The following PRX variants were observed in gnomAD, a reference collection of about 807,000 sequenced individuals.
PRX encodes periaxin.
In PRX, 24 loss-of-function variants were observed where a neutral mutation model predicts 29.6. The ratio of observed to expected loss-of-function variants is 0.81; its 90% confidence interval spans 0.59 to 1.14. The LOEUF (loss-of-function observed/expected upper bound fraction) is 1.14. Among genes scored for constraint, PRX ranks in the 50% most tolerant of loss-of-function variants. The pLI is 0.00. For synonymous variants in PRX, 772 were observed against 831.7 expected, an observed-to-expected ratio of 0.93 and a Z score of 1.24; for missense variants, 1,838 against 1,926.4, an observed-to-expected ratio of 0.95 and a Z score of 0.86.
intron 1 of PRX, among the ~76,000 whole-genome samples, chr19:40,409,485 T>C (rs954144120): frequency 8.7e-5 from 13 of 149,742 alleles, no homozygotes; most frequent in Non-Finnish European, 1.9e-4. Context: ...TTATTATTAT[T>C]ATTTTGAGAC....
intron 4 of PRX, among the ~76,000 whole-genome samples, chr19:40,405,107 G>C (rs2079522765): frequency 6.6e-6 from 1 of 152,152 alleles, no homozygotes; most frequent in Non-Finnish European, 1.5e-5. Flanking sequence ...GCCCACAGGA[G>C]AGGGAATCCA....
At chr19:40,403,925 A>G (rs1012691838) in intron 4 of PRX, 63 bp from the exon 5 acceptor site, 2 of 1,565,670 alleles carry the variant, frequency 1.3e-6, no homozygotes, top group Non-Finnish European at 1.7e-6. Flanking sequence ...AGAGCCCGCC[A>G]TTGCGCTCAA....
intron 1 of PRX, among the ~76,000 whole-genome samples, chr19:40,412,410 C>A (rs2079562568): frequency 6.6e-6 from 1 of 152,134 alleles, no homozygotes; most frequent in Non-Finnish European, 1.5e-5. Context: ...ATAAGAAAGG[C>A]TTTGAAGATT....
chr19:40,412,835 C>G (rs1483124931), intron 1 of PRX, among the ~76,000 whole-genome samples: 1 of 152,186 alleles, frequency 6.6e-6, no homozygotes, highest in Non-Finnish European at 1.5e-5. Flanking sequence ...CCCATCTCAG[C>G]CTCCAGAGTA....
At position 40,394,158 on chromosome 19, in the gene PRX, G is replaced by A. The variant is rs1238279845; in HGVS notation, c.4194C>T (p.Ala1398=). 1.3e-6 allele frequency: 2 copies of A among 1,590,920 alleles called. No individual in the cohort carries two copies. The highest frequency in any genetic ancestry group is 1.3e-5 in the African/African-American group (1 of 74,300). The change falls in exon 7 of 7, where the codon GCC becomes GCT. Residue 1398 remains alanine (A), a synonymous_variant. Coordinates refer to ENST00000324001, the MANE Select transcript of PRX (RefSeq NM_181882.3). This position sits in a 1 kb window ranked among gnomAD's most constrained non-coding sequence, Gnocchi z 5.8. ...KASRGQEGDA[A]PKSPVREKSP... is the part of the protein sequence containing the mutation. The stretch of plus-strand genomic sequence containing the variant: ...ACTTCTCTCTGACGGGGGACTTGGG[G>A]GCTGCATCGCCCTCCTGCCCCCGAG...
intron 5 of PRX, among the ~76,000 whole-genome samples, chr19:40,403,107 T>C (rs1043085123): frequency 2.6e-5 from 4 of 151,960 alleles, no homozygotes; most frequent in African/African-American, 7.3e-5. Flanking sequence ...GAGGCGGAGG[T>C]GGCAGTGAGC....
At chr19:40,414,132 CT>C (rs1403047536), upstream of PRX, among the ~76,000 whole-genome samples, 2 of 151,850 alleles carry the variant, frequency 1.3e-5, no homozygotes, top group African/African-American at 2.4e-5. Flanking sequence ...GCTCCCCACC[CT>C]TTTTTTTGAG....
chr19:40,398,077 A>C lies in PRX; in HGVS notation c.382-107T>G. On this transcript the variant is annotated intron_variant, in intron 6 of 6. Transcript: ENST00000324001. The surrounding 1 kb of genome is among the most constrained non-coding windows in gnomAD (Gnocchi z 6.3). ...ACCAGGCGGGGGATGTGCTGGGTCA[A>C]GTATCTTGTTCCCCAAACATCATCC... The C allele has an allele frequency of 1.4e-6, 2 of 1,463,942 alleles. No individual in the cohort carries two copies. The highest frequency in any genetic ancestry group is 1.8e-6 in the Non-Finnish European group (2 of 1,107,578). The allele number at this position is 1,463,942 out of a possible 1,614,324, so 90.7% of individuals were successfully genotyped here. A position where few individuals can be genotyped will look rare whatever the true frequency, so the allele number is the denominator to read the frequency against.
At position 40,394,001 on chromosome 19, in the gene PRX, C is replaced by A; in HGVS notation, c.4351G>T (p.Ala1451Ser). The A allele has an allele frequency of 1.2e-6, 2 of 1,613,510 alleles. No homozygotes were observed. The highest frequency in any genetic ancestry group is 1.7e-6 in the Non-Finnish European group (2 of 1,179,878). The change falls in exon 7 of 7, where the codon GCC (alanine) becomes TCC (serine). Residue 1451 changes from alanine (A) to serine (S), a missense_variant. Physicochemically the swap from Ala to Ser is moderately conservative, Grantham distance 99. This residue lies in a region of PRX where 1,143 missense variants were observed against 1,193.0 expected (regional missense o/e 0.96). Coordinates refer to ENST00000324001, the MANE Select transcript of PRX (RefSeq NM_181882.3). This position sits in a 1 kb window ranked among gnomAD's most constrained non-coding sequence, Gnocchi z 5.8. ...GCAGCCTGAGCCCCCTCCATCCTGG[C>A]CGGGCCTGGAGCCCCTGTCTCTGAA... ...GFSETGAPGPARMEGAQAAAV is the reference protein window; with the variant it reads ...GFSETGAPGPSRMEGAQAAAV
In PRX at chr19:40,396,207, A is replaced by T. The variant is rs104894707; in HGVS notation, c.2145T>A (p.Cys715Ter). ...HLPEVQLPKV[C>*]EMKVPDMKLP... The stretch of plus-strand genomic sequence containing the variant: ...GCTTCATGTCAGGGACTTTCATTTC[A>T]CAGACTTTGGGCAGCTGCACCTCTG... Residue 715 changes from cysteine to a stop codon, truncating the protein, a stop_gained, in exon 7 of 7, where the codon TGT (cysteine) becomes TGA (stop). Transcript: ENST00000324001. LOFTEE classifies it low-confidence loss of function (END_TRUNC). The T allele has an allele frequency of 2.3e-5, 37 of 1,593,470 alleles. No individual in the cohort carries two copies. Among genetic ancestry groups the T allele is most frequent in the Non-Finnish European group, 2.9e-5 (34 of 1,173,522 alleles).
In PRX at chr19:40,394,235, G is replaced by C. The variant is rs766729202; in HGVS notation, c.4117C>G (p.Arg1373Gly). ...ACACGTGGCAAGCGGACCCGGACCC[G>C]GCCCCGGCGACCCGAGGCCCCTTCC... ...SGEGASGRRGRVRVRLPRVGL... is the reference protein window; with the variant it reads ...SGEGASGRRGGVRVRLPRVGL... The change falls in exon 7 of 7, where the codon CGG (arginine) becomes GGG (glycine). Residue 1373 changes from arginine to glycine, a missense_variant. Around this residue, in one of 3 missense-constraint regions of PRX, gnomAD observed 1,143 missense variants for 1,193.0 expected, o/e 0.96. Transcript: ENST00000324001. This position sits in a 1 kb window ranked among gnomAD's most constrained non-coding sequence, Gnocchi z 5.8. 1.9e-6 allele frequency: 3 copies of C among 1,604,204 alleles called. No homozygotes were observed. Among genetic ancestry groups the C allele is most frequent in the South Asian group, 1.1e-5 (1 of 90,514 alleles).
chr19:40,400,483 T>C (rs1369908178), intron 5 of PRX, among the ~76,000 whole-genome samples: 1 of 146,534 alleles, frequency 6.8e-6, no homozygotes, highest in East Asian at 2.0e-4. Flanking sequence ...TCCCAGCTAC[T>C]AGGGAGGCCG....
chr19:40,396,830 G>A lies in PRX; in HGVS notation c.1522C>T (p.Pro508Ser), dbSNP rs1328104885. The stretch of plus-strand genomic sequence containing the variant: ...CGCACCTCCGGCACAGCCATCTCTG[G>A]CACCTTTGGGAGTTTCATCTCTGAC... Reference protein sequence around the residue: ...KVSEMKLPKVPEMAVPEVRLP... With the variant: ...KVSEMKLPKVSEMAVPEVRLP... Residue 508 changes from proline to serine, a missense_variant, in exon 7 of 7, where the codon CCA (proline) becomes TCA (serine). Physicochemically the swap from Pro to Ser is moderately conservative, Grantham distance 74 (BLOSUM62 -1). Transcript: ENST00000324001. 2 of 1,610,726 alleles carry A rather than the reference G, an allele frequency of 1.2e-6. No homozygotes were observed. The highest frequency in any genetic ancestry group is 1.7e-5 in the Admixed American group (1 of 59,630).
At position 40,408,348 on chromosome 19, in the gene PRX, C is replaced by A; in HGVS notation, c.-207G>T. 1 of 340,336 alleles carries A rather than the reference C, an allele frequency of 2.9e-6. No individual in the cohort carries two copies. The highest frequency in any genetic ancestry group is 6.4e-5 in the East Asian group (1 of 15,526). The allele number at this position is 340,336 out of a possible 1,614,324, so 21.1% of individuals were successfully genotyped here. A position where few individuals can be genotyped will look rare whatever the true frequency, so the allele number is the denominator to read the frequency against. ...CACCAGCCTGCGCTCACCTGAGGGTCACCTCCAGCTCCTTGGGCCTCCTGG... is the reference window on the plus strand; with the variant it reads ...CACCAGCCTGCGCTCACCTGAGGGTAACCTCCAGCTCCTTGGGCCTCCTGG... On this transcript the variant is annotated 5_prime_UTR_variant, in exon 2 of 7. Coordinates refer to ENST00000324001, the MANE Select transcript of PRX (RefSeq NM_181882.3).
chr19:40,395,977 G>A lies in PRX; in HGVS notation c.2375C>T (p.Ala792Val). 6.2e-7 allele frequency: 1 copy of A among 1,613,996 alleles called. No homozygotes were observed. Among genetic ancestry groups the A allele is most frequent in the Non-Finnish European group, 8.5e-7 (1 of 1,180,020 alleles). ...VQLKATKAEQ[A>V]EGMEFGFKMP... Reference sequence around the variant, plus strand: ...CTTGAAGCCAAATTCCATCCCTTCTGCCTGTTCTGCCTTGGTGGCCTTTAG... The same window carrying A: ...CTTGAAGCCAAATTCCATCCCTTCTACCTGTTCTGCCTTGGTGGCCTTTAG... Residue 792 changes from alanine (A) to valine (V), a missense_variant, in exon 7 of 7, where the codon GCA becomes GTA. Ala to Val is a moderately conservative substitution (Grantham distance 64). Coordinates refer to ENST00000324001, the MANE Select transcript of PRX (RefSeq NM_181882.3).
chr19:40,394,747 C>T lies in PRX; in HGVS notation c.3605G>A (p.Gly1202Asp). 6.2e-7 allele frequency: 1 copy of T among 1,613,596 alleles called. No individual in the cohort carries two copies. The highest frequency in any genetic ancestry group is 8.5e-7 in the Non-Finnish European group (1 of 1,180,022). Reference protein sequence around the residue: ...LSLPGAQVAGGELLVGEGVFK... With the variant: ...LSLPGAQVAGDELLVGEGVFK... ...GACACCCTCACCCACCAGCAGCTCA[C>T]CACCTGCAACCTGGGCTCCAGGCAG... Residue 1202 changes from glycine (G) to aspartate (D), a missense_variant, in exon 7 of 7, where the codon GGT becomes GAT. By Grantham distance (94) the Gly-to-Asp change is moderately conservative (BLOSUM62 -1). This residue lies in a region of PRX where 1,143 missense variants were observed against 1,193.0 expected (regional missense o/e 0.96). Coordinates refer to ENST00000324001, the MANE Select transcript of PRX (RefSeq NM_181882.3). The surrounding 1 kb of genome is among the most constrained non-coding windows in gnomAD (Gnocchi z 5.8).
At chr19:40,408,816 G>GGTGTGTGTGTGTGTGT (rs575859236) in intron 1 of PRX, among the ~76,000 whole-genome samples, 6 of 143,400 alleles carry the variant, frequency 4.2e-5, no homozygotes, top group East Asian at 2.0e-4. Context: ...TGTTGTTGGT[G>GGTGTGTGTGTGTGTGT]GTGTGTGTGT....
Position 40,394,878 on chromosome 19 carries a change from G to C in PRX, c.3474C>G (p.Thr1158=). ...LGISLPQVEL[T]GFGEAGTPGQ... ...CTGGGGTACCTGCCTCCCCAAAGCC[G>C]GTCAGCTCCACCTGTGGCAGGGAGA... Residue 1158 remains threonine, a synonymous_variant, in exon 7 of 7, where the codon ACC becomes ACG. Coordinates refer to ENST00000324001, the MANE Select transcript of PRX (RefSeq NM_181882.3). This position sits in a 1 kb window ranked among gnomAD's most constrained non-coding sequence, Gnocchi z 5.8. The C allele has an allele frequency of 6.2e-7, 1 of 1,611,444 alleles. No homozygotes were observed. Among genetic ancestry groups the C allele is most frequent in the Non-Finnish European group, 8.5e-7 (1 of 1,179,920 alleles).
Position 40,398,539 on chromosome 19 carries a change from G to A in PRX, c.381+81C>T, listed in dbSNP as rs1293337503. ...AAGACAGAGGGCAAGGCTGGCCCAC[G>A]ATGGCGGGGAATGGGGCTCACGGCG... On this transcript the variant is annotated intron_variant, in intron 6 of 6. Transcript: ENST00000324001. This position sits in a 1 kb window ranked among gnomAD's most constrained non-coding sequence, Gnocchi z 6.3. 3 of 1,593,504 alleles carry A rather than the reference G, an allele frequency of 1.9e-6. No homozygotes were observed. Among genetic ancestry groups the A allele is most frequent in the African/African-American group, 1.3e-5 (1 of 74,614 alleles).
Sources: gnomAD v4.1 joint callset for allele counts (sites outside exome capture counted in the v4.1 genomes callset) on GRCh38, gnomAD v4.1.1 for gene constraint, gnomAD v4.1.1 regional missense constraint, Gnocchi (gnomAD v3.1) non-coding constraint, MANE v1.5 for transcripts, NCBI Gene and HGNC (gene_info 2026-07-23, HGNC 2026-07-21) for gene names.